The following LRRC9 variants were observed in gnomAD, a reference collection of about 807,000 sequenced individuals.
The protein encoded by LRRC9 is leucine rich repeat containing 9, also known as leucine-rich repeat-containing protein 9.
A neutral mutation model predicts 63.2 loss-of-function variants in LRRC9; 122 were observed. The ratio of observed to expected loss-of-function variants is 1.93; its 90% CI spans 1.67 to 2.24. LRRC9 has a LOEUF of 2.24. Among genes scored for constraint, LRRC9 ranks in the 30% most tolerant of loss-of-function variants. The probability of loss-of-function intolerance (pLI) is 0.00; values close to 1 mark genes in which losing one functional copy is unlikely to be tolerated. For synonymous variants in LRRC9, 366 were observed against 213.1 expected, an observed-to-expected ratio of 1.72 and a Z score of -6.25; for missense variants, 1,071 against 627.7, an observed-to-expected ratio of 1.71 and a Z score of -7.55.
At chr14:59,977,789 A>G (rs1331152836) in intron 14 of LRRC9, among the ~76,000 whole-genome samples, 1 of 152,114 alleles carries the variant, frequency 6.6e-6, no homozygotes, top group Admixed American at 6.5e-5. Context: ...AAAAGTATTT[A>G]TATAATTAAA....
chr14:60,019,102 T>C lies in LRRC9; in HGVS notation c.3427-19T>C. On this transcript the variant is annotated intron_variant, in intron 25 of 31. Transcript: ENST00000445360. ...AATAATTTCTAGGATTTCTGATTAA[T>C]AAGATATTCTTTCTGTAGGTCTTAT... 1 of 654,220 alleles carries C rather than the reference T, an allele frequency of 1.5e-6. No homozygotes were observed. Among genetic ancestry groups the C allele is most frequent in the Non-Finnish European group, 2.7e-6 (1 of 365,244 alleles). The allele number at this position is 654,220 out of a possible 1,614,324, so 40.5% of individuals were successfully genotyped here. A position where few individuals can be genotyped will look rare whatever the true frequency, so the allele number is the denominator to read the frequency against.
Position 60,027,914 on chromosome 14 carries a change from A to G in LRRC9, c.3734A>G (p.Asp1245Gly). 1 of 701,088 alleles carries G rather than the reference A, an allele frequency of 1.4e-6. No homozygotes were observed. The highest frequency in any genetic ancestry group is 2.6e-6 in the Non-Finnish European group (1 of 383,922). 43.4% of individuals were successfully genotyped at this position (701,088 alleles called of 1,614,324 possible). ...GAAATCAGCCAAGTTGAAGGGCTTG[A>G]CAACTTAGTAGTCCTTCAAGAATTG... Residue 1245 changes from aspartate to glycine, a missense_variant, in exon 28 of 32, where the codon GAC becomes GGC. Coordinates refer to ENST00000445360, the Ensembl canonical transcript of LRRC9. This position sits in a 1 kb window ranked among gnomAD's most constrained non-coding sequence, Gnocchi z 4.0.
rs77472767 is a variant in LRRC9, at chr14:59,930,295, C to A, written c.268-623C>A. ...CCATCACAGAAATGCACAGGGCATACGTTTTGTCTTAGAAGTCCCTACACT... is the reference window on the plus strand; with the variant it reads ...CCATCACAGAAATGCACAGGGCATAAGTTTTGTCTTAGAAGTCCCTACACT... On this transcript the variant is annotated intron_variant, in intron 3 of 31. Coordinates refer to ENST00000445360, the Ensembl canonical transcript of LRRC9. The surrounding 1 kb of genome is among the most constrained non-coding windows in gnomAD (Gnocchi z 4.9). Among the ~76,000 whole-genome samples the A allele has an allele frequency of 0.046, 6,991 of 151,742 alleles. 268 individuals are homozygous for A. Among genetic ancestry groups the A allele is most frequent in the East Asian group, 0.2 (1,031 of 5,148 alleles).
chr14:60,053,331 T>C lies in LRRC9; in HGVS notation c.4131+126T>C. 1 of 578,462 alleles carries C rather than the reference T, an allele frequency of 1.7e-6. No individual in the cohort carries two copies. The highest frequency in any genetic ancestry group is 3.1e-6 in the Non-Finnish European group (1 of 325,306). The allele number at this position is 578,462 out of a possible 1,614,324, so 35.8% of individuals were successfully genotyped here. On this transcript the variant is annotated intron_variant, in intron 30 of 31. Transcript: ENST00000445360. The surrounding 1 kb of genome is among the most constrained non-coding windows in gnomAD (Gnocchi z 4.8). ...TTGATAAGGATGATCTTAGTATCTATTTAGTGATTACTATCAAAGGCAGCT... is the reference window on the plus strand; with the variant it reads ...TTGATAAGGATGATCTTAGTATCTACTTAGTGATTACTATCAAAGGCAGCT...
chr14:59,926,511 C>A (rs1889220319), intron 1 of LRRC9, among the ~76,000 whole-genome samples: 1 of 152,098 alleles, frequency 6.6e-6, no homozygotes, highest in South Asian at 2.1e-4. Context: ...AAATCACACA[C>A]ATCATAGGTA....
chr14:60,005,986 C>G (rs560944610), intron 21 of LRRC9, among the ~76,000 whole-genome samples: 4 of 152,026 alleles, frequency 2.6e-5, no homozygotes, highest in Admixed American at 2.0e-4. Context: ...GATGCACTTT[C>G]CAGAATGTGG....
intron 17 of LRRC9, among the ~76,000 whole-genome samples, chr14:59,992,576 A>G (rs1274164619): frequency 6.6e-6 from 1 of 152,186 alleles, no homozygotes; most frequent in African/African-American, 2.4e-5. Context: ...AATTAGACGA[A>G]TGGCTAACTA....
At chr14:60,015,906 TG>T in intron 23 of LRRC9, among the ~76,000 whole-genome samples, 1 of 152,264 alleles carries the variant, frequency 6.6e-6, no homozygotes, top group Admixed American at 6.5e-5. Context: ...GGCATGAAGT[TG>T]GGGGCCACAG....
At chr14:59,972,033 C>G (rs1885566281) in intron 12 of LRRC9, among the ~76,000 whole-genome samples, 1 of 152,116 alleles carries the variant, frequency 6.6e-6, no homozygotes, top group South Asian at 2.1e-4. Context: ...GCATTGAAGG[C>G]CTCTGACAAC....
chr14:59,969,515 T>G (rs926396676), intron 12 of LRRC9: 4 of 152,196 alleles, frequency 2.6e-5, no homozygotes, highest in Admixed American at 6.6e-5. Context: ...TCCGCATTGT[T>G]TAAGAGATGG....
rs530934867 is a variant in LRRC9, at chr14:59,990,052, C to G, written c.2211+4828C>G. ...AAGTAATTCTCCTGCCTTGGCCTCC[C>G]GACTAGATGGGATTACAGGTGCACA... On this transcript the variant is annotated intron_variant, in intron 17 of 31. Coordinates refer to ENST00000445360, the Ensembl canonical transcript of LRRC9. This position sits in a 1 kb window ranked among gnomAD's most constrained non-coding sequence, Gnocchi z 4.2. Among the ~76,000 whole-genome samples the G allele has an allele frequency of 1.3e-5, 2 of 151,942 alleles. No homozygotes were observed. Among genetic ancestry groups the G allele is most frequent in the Non-Finnish European group, 2.9e-5 (2 of 67,994 alleles).
At chr14:59,978,113 A>C (rs932231735) in exon 15 of LRRC9, 6 of 702,066 alleles carry the variant, frequency 8.5e-6, no homozygotes, top group Admixed American at 2.0e-5. Flanking sequence ...TATGTTGTTG[A>C]ATTTGAGTAT....
chr14:60,016,548 A>C, intron 23 of LRRC9, 112 bp from the exon 24 acceptor site: 1 of 569,436 alleles, frequency 1.8e-6, no homozygotes, highest in East Asian at 2.8e-5. Flanking sequence ...AGCTCTACTT[A>C]GTAGGAGGAA....
In LRRC9 at chr14:60,060,338, T is replaced by C. The variant is rs1414604874; in HGVS notation, c.4276+2316T>C. Among the ~76,000 whole-genome samples the C allele has an allele frequency of 6.6e-6, 1 of 152,228 alleles. No homozygotes were observed. The highest frequency in any genetic ancestry group is 1.9e-4 in the East Asian group (1 of 5,202). Reference sequence around the variant, plus strand: ...TGGAGAAGTACAAGGAGATGAATGTTGTTTTCATGCCTGCTAACACAACAT... The same window carrying C: ...TGGAGAAGTACAAGGAGATGAATGTCGTTTTCATGCCTGCTAACACAACAT... On this transcript the variant is annotated intron_variant, in intron 31 of 31. Transcript: ENST00000445360. The surrounding 1 kb of genome is among the most constrained non-coding windows in gnomAD (Gnocchi z 4.0).
chr14:60,008,187 A>G, exon 23 of LRRC9: 1 of 701,304 alleles, frequency 1.4e-6, no homozygotes, highest in Non-Finnish European at 2.6e-6. Flanking sequence ...ATCTTCCAGA[A>G]CTGAAAGCTT....
In LRRC9 at chr14:60,017,012, C is replaced by T. The variant is rs907562083; in HGVS notation, c.3317+222C>T. ...TTCAACCTTGCAGGCTCAATCGATC[C>T]TCCGACTATAGGCACGCACCACCAA... On this transcript the variant is annotated intron_variant, in intron 24 of 31. Transcript: ENST00000445360. This position sits in a 1 kb window ranked among gnomAD's most constrained non-coding sequence, Gnocchi z 4.0. 3.3e-5 allele frequency among the ~76,000 whole-genome samples: 5 copies of T among 151,806 alleles called. No individual in the cohort carries two copies. The highest frequency in any genetic ancestry group is 7.4e-5 in the Non-Finnish European group (5 of 67,946).
At chr14:59,991,403 G>C (rs1427221274) in intron 17 of LRRC9, among the ~76,000 whole-genome samples, 1 of 152,138 alleles carries the variant, frequency 6.6e-6, no homozygotes, top group Non-Finnish European at 1.5e-5. Context: ...TGCAGAAGAT[G>C]GGTGATTTCT....
At position 60,055,902 on chromosome 14, in the gene LRRC9, C is replaced by T. The variant is rs202072735; in HGVS notation, c.4132-1976C>T. Among the ~76,000 whole-genome samples the T allele has an allele frequency of 8.2e-3, 504 of 61,414 alleles. 16 individuals are homozygous for T. In the East Asian group the frequency reaches 0.095, roughly 12 times the overall value. 40.3% of individuals were successfully genotyped at this position (61,414 alleles called of 152,430 possible). A position where few individuals can be genotyped will look rare whatever the true frequency, so the allele number is the denominator to read the frequency against. ...CCTGGGTGACAAAGCAAGACCCTGT[C>T]TTGGAAAAAAAAAAAAAAAGTATTG... On this transcript the variant is annotated intron_variant, in intron 30 of 31. Coordinates refer to ENST00000445360, the Ensembl canonical transcript of LRRC9.
rs1332705720 is a variant in LRRC9 at position 59,938,381 on chromosome 14, G to A, written c.544-9G>A. On this transcript the variant is annotated splice_polypyrimidine_tract_variant and intron_variant, in intron 6 of 31. Transcript: ENST00000445360. The surrounding 1 kb of genome is among the most constrained non-coding windows in gnomAD (Gnocchi z 4.2). ...AATTAACTGAACATTATCTTTGCTG[G>A]CATTTTAGGAACTCACGAACTTAAC... is the stretch of plus-strand genomic sequence containing the variant. 1.5e-6 allele frequency: 1 copy of A among 671,984 alleles called. No homozygotes were observed. Among genetic ancestry groups the A allele is most frequent in the Admixed American group, 2.2e-5 (1 of 45,214 alleles). 41.6% of individuals were successfully genotyped at this position (671,984 alleles called of 1,614,324 possible). A position where few individuals can be genotyped will look rare whatever the true frequency, so the allele number is the denominator to read the frequency against.
Sources: allele counts gnomAD v4.1 joint callset (sites outside exome capture counted in the v4.1 genomes callset), GRCh38; gene constraint gnomAD v4.1.1; non-coding constraint Gnocchi (gnomAD v3.1); transcripts MANE v1.5; gene names NCBI Gene and HGNC (gene_info 2026-07-23, HGNC 2026-07-21).